The following PIGK variants were observed in gnomAD, a reference collection of about 807,000 sequenced individuals.
PIGK encodes the protein GPI-anchor transamidase.
Under a neutral mutation model 50.6 loss-of-function variants are expected in PIGK, and 42 were observed. That is an observed-to-expected ratio of 0.83 (90% CI 0.65 to 1.07). The LOEUF (loss-of-function observed/expected upper bound fraction) is 1.07, where lower values mean the gene tolerates loss of function less well. Ranked by LOEUF, PIGK falls within the 50% of genes least tolerant of loss-of-function variation. The pLI is 0.00. For missense variants in PIGK, 448 were observed against 488.7 expected (o/e 0.92, Z 0.78); for synonymous variants, 151 against 156.0 (o/e 0.97, Z 0.24).
At chr1:77,140,415 G>T (rs1385017081) in intron 9 of PIGK, among the ~76,000 whole-genome samples, 3 of 149,974 alleles carry the variant, frequency 2.0e-5, no homozygotes, top group Non-Finnish European at 4.4e-5. Flanking sequence ...TTCCCCATTT[G>T]CCCTCTACCA....
intron 9 of PIGK, among the ~76,000 whole-genome samples, chr1:77,125,362 A>T (rs1393503185): frequency 6.6e-6 from 1 of 152,148 alleles, no homozygotes; most frequent in African/African-American, 2.4e-5. Flanking sequence ...ATATGTCTGA[A>T]ATGTTTCTTA....
At chr1:77,168,614 A>C (rs1254712168) in intron 4 of PIGK, among the ~76,000 whole-genome samples, 1 of 148,370 alleles carries the variant, frequency 6.7e-6, no homozygotes, top group Non-Finnish European at 1.5e-5. Context: ...GTCTAGGAGG[A>C]GATAGATATG....
chr1:77,154,071 C>T, intron 9 of PIGK: 1 of 253,616 alleles, frequency 3.9e-6, no homozygotes, highest in Non-Finnish European at 7.4e-6. Context: ...ATACAATTCA[C>T]TCCCCAAGGC....
intron 6 of PIGK, among the ~76,000 whole-genome samples, chr1:77,163,444 T>C (rs1178301777): frequency 6.6e-6 from 1 of 152,086 alleles, no homozygotes; most frequent in Non-Finnish European, 1.5e-5. Flanking sequence ...ATGCTAATCA[T>C]AATTTCAGCG....
intron 1 of PIGK, among the ~76,000 whole-genome samples, chr1:77,217,149 C>T (rs1042687787): frequency 6.6e-6 from 1 of 152,180 alleles, no homozygotes; most frequent in Non-Finnish European, 1.5e-5. Flanking sequence ...GCCCTGAGTG[C>T]TCCAAATACA....
At chr1:77,195,410 G>A (rs1199858268) in intron 3 of PIGK, 2 of 1,089,768 alleles carry the variant, frequency 1.8e-6, no homozygotes, top group Admixed American at 2.3e-5. Flanking sequence ...TGAGAGCTTA[G>A]GGTGCTCACT....
intron 3 of PIGK, among the ~76,000 whole-genome samples, chr1:77,171,868 A>G (rs1169588357): frequency 6.6e-6 from 1 of 152,178 alleles, no homozygotes; most frequent in Non-Finnish European, 1.5e-5. Context: ...ACTTAAGCAT[A>G]TAAATGCAAA....
At chr1:77,117,337 T>C (rs1654002430) in intron 10 of PIGK, among the ~76,000 whole-genome samples, 1 of 152,232 alleles carries the variant, frequency 6.6e-6, no homozygotes, top group African/African-American at 2.4e-5. Flanking sequence ...TCCTATTTTA[T>C]GATACTTAAA....
intron 9 of PIGK, among the ~76,000 whole-genome samples, chr1:77,127,558 GT>G (rs1024013653): frequency 6.6e-6 from 1 of 152,084 alleles, no homozygotes; most frequent in African/African-American, 2.4e-5. Context: ...AAATTACATA[GT>G]TTATTTCAGG....
In PIGK at chr1:77,136,827, T is replaced by C. The variant is rs1468596683; in HGVS notation, c.987-14468A>G. Among the ~76,000 whole-genome samples, 3 of 152,342 alleles carry C rather than the reference T, an allele frequency of 2.0e-5. No homozygotes were observed. In the East Asian group the frequency reaches 5.8e-4, roughly 29 times the overall value. On this transcript the variant is annotated intron_variant, in intron 9 of 10. Coordinates refer to ENST00000370812, the MANE Select transcript of PIGK (RefSeq NM_005482.3). ...AACAGTTTCCAATATTATCTTCATG[T>C]CTCATAACCTGTCCTAACACTTTCC...
At chr1:77,138,443 A>C (rs1654570863) in intron 9 of PIGK, among the ~76,000 whole-genome samples, 1 of 152,246 alleles carries the variant, frequency 6.6e-6, no homozygotes, top group African/African-American at 2.4e-5. Flanking sequence ...ATGGGATTTC[A>C]GCCCTACATG....
At chr1:77,146,795 T>TA (rs967485709) in intron 9 of PIGK, among the ~76,000 whole-genome samples, 191 of 142,134 alleles carry the variant, frequency 1.3e-3, no homozygotes, top group Middle Eastern at 7.2e-3. Flanking sequence ...AGACTCTGTC[T>TA]AAAAAAAAAA....
At chr1:77,097,860 A>G (rs1570177292) in intron 10 of PIGK, among the ~76,000 whole-genome samples, 1 of 152,166 alleles carries the variant, frequency 6.6e-6, no homozygotes, top group Non-Finnish European at 1.5e-5. Flanking sequence ...ATAGAAAAAA[A>G]TGTCATTCAC....
intron 9 of PIGK, among the ~76,000 whole-genome samples, chr1:77,125,356 G>A (rs1438923690): frequency 3.3e-5 from 5 of 152,136 alleles, no homozygotes; most frequent in African/African-American, 4.8e-5. Context: ...CCAAGGATAT[G>A]TCTGAAATGT....
chr1:77,094,205 T>G (rs1653360205), intron 10 of PIGK, among the ~76,000 whole-genome samples: 1 of 152,184 alleles, frequency 6.6e-6, no homozygotes, highest in African/African-American at 2.4e-5. Context: ...GCACATTTTA[T>G]ACAACCTATA....
intron 3 of PIGK, among the ~76,000 whole-genome samples, chr1:77,204,642 T>C (rs1418537893): frequency 6.6e-6 from 1 of 152,084 alleles, no homozygotes; most frequent in Non-Finnish European, 1.5e-5. Context: ...TTAAAATTTC[T>C]CCCTTTTGTA....
rs764269510 is a variant in PIGK, at chr1:77,129,115, T to C, written c.987-6756A>G. The stretch of plus-strand genomic sequence containing the variant: ...AGCAGCCTGAGGTAATCTGTGAAAA[T>C]GGTTCGCTACTCACTTGACCCGGAG... On this transcript the variant is annotated intron_variant, in intron 9 of 10. Transcript: ENST00000370812. 1.1e-5 allele frequency: 11 copies of C among 1,010,842 alleles called. No individual in the cohort carries two copies. The Admixed American group carries it at 1.2e-4, about 11-fold the overall frequency. 62.6% of individuals were successfully genotyped at this position (1,010,842 alleles called of 1,614,324 possible).
intron 3 of PIGK, 114 bp from the exon 4 acceptor site, chr1:77,169,509 T>A (rs575338583): frequency 4.9e-5 from 36 of 731,490 alleles, no homozygotes; most frequent in South Asian, 8.0e-5. Flanking sequence ...TAAAAAAAAA[T>A]TTTCAACTAC....
At chr1:77,123,124 A>G (rs1291432445) in intron 9 of PIGK, among the ~76,000 whole-genome samples, 5 of 152,202 alleles carry the variant, frequency 3.3e-5, no homozygotes, top group African/African-American at 1.2e-4. Context: ...CTAGGACAAT[A>G]TGAAACAGTA....
Sources: allele counts gnomAD v4.1 joint callset (sites outside exome capture counted in the v4.1 genomes callset), GRCh38; gene constraint gnomAD v4.1.1; transcripts MANE v1.5; gene names NCBI Gene and HGNC (gene_info 2026-07-23, HGNC 2026-07-21).